SCARF1: variants seen among roughly 807,000 people sequenced by gnomAD.
SCARF1 encodes scavenger receptor class F member 1, also known as acetyl LDL receptor.
SCARF1 carries 49 observed loss-of-function variants against 76.3 expected under a neutral mutation model. The ratio of observed to expected loss-of-function variants is 0.64; its 90% CI spans 0.51 to 0.81. The LOEUF (loss-of-function observed/expected upper bound fraction) is 0.81, where lower values mean the gene tolerates loss of function less well. SCARF1 is among the 40% of genes least tolerant of loss of function. The probability of loss-of-function intolerance (pLI) is 0.00; values close to 1 mark genes in which losing one functional copy is unlikely to be tolerated. For synonymous variants in SCARF1, 495 were observed against 474.6 expected (o/e 1.04, Z -0.56); for missense variants, 1,098 against 1,143.9 (o/e 0.96, Z 0.58).
rs1383054081 is a variant in SCARF1, at chr17:1,644,278, C to T, written c.266-311G>A. ...GAGGTTGGTGGGCCTTCCTCCATGC[C>T]TGCTCCTCCCTGCCGAGATGGATCT... On this transcript the variant is annotated intron_variant, in intron 3 of 10. Transcript: ENST00000263071. The surrounding 1 kb of genome is among the most constrained non-coding windows in gnomAD (Gnocchi z 4.8). The T allele has an allele frequency of 2.9e-6, 1 of 340,198 alleles. No homozygotes were observed. Among genetic ancestry groups the T allele is most frequent in the Non-Finnish European group, 5.3e-6 (1 of 188,170 alleles). The allele number at this position is 340,198 out of a possible 1,614,324, so 21.1% of individuals were successfully genotyped here.
chr17:1,638,814 G>T lies in SCARF1; in HGVS notation c.1356C>A (p.Leu452=). The T allele has an allele frequency of 6.2e-7, 1 of 1,608,426 alleles. No individual in the cohort carries two copies. Among genetic ancestry groups the T allele is most frequent in the East Asian group, 2.2e-5 (1 of 44,690 alleles). ...ACCCWAPRSD[L]KDRPARDGAT... ...GACGGGCTGGCGTTCACCTGTCCTT[G>T]AGGTCTGATCGGGGGGCCCAGCAGC... The change falls in exon 8 of 11, where the codon CTC becomes CTA. Residue 452 remains leucine, a synonymous_variant. Transcript: ENST00000263071.
At position 1,636,657 on chromosome 17, in the gene SCARF1, G is replaced by C. The variant is rs544563432; in HGVS notation, c.1633+52C>G. The C allele has an allele frequency of 2.1e-4, 338 of 1,582,870 alleles. 9 individuals carry two copies. In the South Asian group the frequency reaches 3.5e-3, roughly 17 times the overall value. ...AACTTTGCTGGAGGACTAAAGAGGG[G>C]GTCGTGGTGGGCAGGGCTGCTCAGG... On this transcript the variant is annotated intron_variant, in intron 10 of 10. Transcript: ENST00000263071.
In SCARF1 at chr17:1,639,950, T is replaced by C. The variant is rs1308651029; in HGVS notation, c.1101A>G (p.Thr367=). The C allele has an allele frequency of 6.2e-7, 1 of 1,613,904 alleles. No individual in the cohort carries two copies. Among genetic ancestry groups the C allele is most frequent in the East Asian group, 2.2e-5 (1 of 44,894 alleles). The change falls in exon 6 of 11, where the codon ACA becomes ACG. Residue 367 remains threonine (T), a synonymous_variant. Transcript: ENST00000263071. ...TCVQGSCDTV[T]GDCVCSAGYW... The stretch of plus-strand genomic sequence containing the variant: ...AGCCGGCACTGCAGACACAGTCCCC[T>C]GTCACAGTATCACAGGACCCCTGAA...
rs563347341 is a variant in SCARF1 at position 1,639,721 on chromosome 17, G to A, written c.1161C>T (p.Ala387=). The part of the protein sequence containing the change: ...WGPSCNASCP[A]GFHGNNCSVP... The stretch of plus-strand genomic sequence containing the variant: ...CTGAGCAGTTGTTTCCATGGAAACC[G>A]GCTGGGCAGGAGGCGTTGCAGCTAT... The change falls in exon 7 of 11, where the codon GCC becomes GCT. Residue 387 remains alanine (A), a synonymous_variant. Transcript: ENST00000263071. 16 of 1,598,540 alleles carry A rather than the reference G, an allele frequency of 1.0e-5. No homozygotes were observed. Among genetic ancestry groups the A allele is most frequent in the Middle Eastern group, 1.7e-4 (1 of 6,038 alleles).
chr17:1,635,063 T>C lies in SCARF1; in HGVS notation c.2188A>G (p.Lys730Glu). 1.9e-6 allele frequency: 3 copies of C among 1,613,974 alleles called. No homozygotes were observed. Among genetic ancestry groups the C allele is most frequent in the Non-Finnish European group, 2.5e-6 (3 of 1,179,946 alleles). The change falls in exon 11 of 11, where the codon AAG (lysine) becomes GAG (glutamate). Residue 730 changes from lysine (K) to glutamate (E), a missense_variant. Coordinates refer to ENST00000263071, the MANE Select transcript of SCARF1 (RefSeq NM_003693.4). The part of the protein sequence containing the change: ...AEAKVKRAIP[K>E]PPRQALNRKK... Reference sequence around the variant, plus strand: ...CGATTCAGGGCCTGGCGCGGAGGCTTAGGGATGGCCCTCTTGACCTTGGCT... The same window carrying C: ...CGATTCAGGGCCTGGCGCGGAGGCTCAGGGATGGCCCTCTTGACCTTGGCT...
chr17:1,643,334 C>T (rs1384894331), intron 4 of SCARF1, 108 bp downstream of exon 4: 1 of 107,322 alleles, frequency 9.3e-6, no homozygotes, highest in Admixed American at 1.1e-4. Flanking sequence ...CCTGTCTTCG[C>T]CCCGCCCCCT....
In SCARF1 at chr17:1,644,768, T is replaced by A; in HGVS notation, c.265+66A>T. ...AGGCTGCATGGCTACCTGCCTCGCC[T>A]GCTCCCACACCACTGCCCCCGTACC... On this transcript the variant is annotated intron_variant, in intron 3 of 10. Transcript: ENST00000263071. The surrounding 1 kb of genome is among the most constrained non-coding windows in gnomAD (Gnocchi z 4.8). The A allele has an allele frequency of 6.8e-7, 1 of 1,477,380 alleles. No homozygotes were observed. Among genetic ancestry groups the A allele is most frequent in the Non-Finnish European group, 9.3e-7 (1 of 1,080,062 alleles). 91.5% of individuals were successfully genotyped at this position (1,477,380 alleles called of 1,614,324 possible). A position where few individuals can be genotyped will look rare whatever the true frequency, so the allele number is the denominator to read the frequency against.
At position 1,645,244 on chromosome 17, in the gene SCARF1, G is replaced by A; in HGVS notation, c.102-5C>T. ...CACTGCAGCTCAGCAGAGGGGCTGT[G>A]GGGCAAAAAGGGGTCAGCCGGACAT... is the stretch of plus-strand genomic sequence containing the variant. On this transcript the variant is annotated splice_region_variant and splice_polypyrimidine_tract_variant and intron_variant, in intron 1 of 10. Transcript: ENST00000263071. This position sits in a 1 kb window ranked among gnomAD's most constrained non-coding sequence, Gnocchi z 6.3. 1 of 1,612,558 alleles carries A rather than the reference G, an allele frequency of 6.2e-7. No individual in the cohort carries two copies. The highest frequency in any genetic ancestry group is 8.5e-7 in the Non-Finnish European group (1 of 1,179,858).
Position 1,638,727 on chromosome 17 carries a change from C to CCCCCCTCACCTCTGA in SCARF1, c.1364+78_1364+79insTCAGAGGTGAGGGGG, listed in dbSNP as rs1909789448. 1.1e-5 allele frequency: 16 copies of CCCCCCTCACCTCTGA among 1,446,544 alleles called. No homozygotes were observed. In the African/African-American group the frequency reaches 1.1e-4, roughly 10 times the overall value. 89.6% of individuals were successfully genotyped at this position (1,446,544 alleles called of 1,614,324 possible). On this transcript the variant is annotated intron_variant, in intron 8 of 10. Coordinates refer to ENST00000263071, the MANE Select transcript of SCARF1 (RefSeq NM_003693.4). Reference sequence around the variant, plus strand: ...TGGGCAACAAGGCCAGCCCTCCCCACCCCACAAGGAAACCAGATGCCCCCC... The same window carrying CCCCCCTCACCTCTGA: ...TGGGCAACAAGGCCAGCCCTCCCCACCCCCCTCACCTCTGACCCACAAGGAAACCAGATGCCCCCC...
In SCARF1 at chr17:1,638,815, A is replaced by C. The variant is rs1909799188; in HGVS notation, c.1355T>G (p.Leu452Arg). The change falls in exon 8 of 11, where the codon CTC becomes CGC. Residue 452 changes from leucine (L) to arginine (R), a missense_variant. Physicochemically the swap from Leu to Arg is moderately radical, Grantham distance 102. Transcript: ENST00000263071. ...ACGGGCTGGCGTTCACCTGTCCTTG[A>C]GGTCTGATCGGGGGGCCCAGCAGCA... ...ACCCWAPRSDLKDRPARDGAT... is the reference protein window; with the variant it reads ...ACCCWAPRSDRKDRPARDGAT... The C allele has an allele frequency of 6.2e-7, 1 of 1,607,834 alleles. No individual in the cohort carries two copies. The highest frequency in any genetic ancestry group is 1.7e-5 in the Admixed American group (1 of 59,708).
In SCARF1 at chr17:1,640,062, G is replaced by A. The variant is rs1432756424; in HGVS notation, c.1011-22C>T. ...ACACCTGGGGTGAGGCAAGACTCGG[G>A]GAAGGGGAGACCAAGGCAGGCCTGG... is the stretch of plus-strand genomic sequence containing the variant. On this transcript the variant is annotated intron_variant, in intron 5 of 10. Coordinates refer to ENST00000263071, the MANE Select transcript of SCARF1 (RefSeq NM_003693.4). The surrounding 1 kb of genome is among the most constrained non-coding windows in gnomAD (Gnocchi z 4.7). 34 of 1,611,216 alleles carry A rather than the reference G, an allele frequency of 2.1e-5. No individual in the cohort carries two copies. The Admixed American group carries it at 5.5e-4, about 26-fold the overall frequency.
At position 1,645,717 on chromosome 17, in the gene SCARF1, GC is replaced by G. The variant is rs781051419; in HGVS notation, c.-21del. 1.6e-4 allele frequency: 251 copies of G among 1,578,872 alleles called. No homozygotes were observed. Among genetic ancestry groups the G allele is most frequent in the Middle Eastern group, 5.0e-4 (3 of 5,964 alleles). On this transcript the variant is annotated 5_prime_UTR_variant, in exon 1 of 11. Coordinates refer to ENST00000263071, the MANE Select transcript of SCARF1 (RefSeq NM_003693.4). The surrounding 1 kb of genome is among the most constrained non-coding windows in gnomAD (Gnocchi z 6.3). ...CCCCATGGCAGGCAGCTCGGTGGGA[GC>G]GCTCGGGTTCGTCTGGCCCCCACAG...
At chr17:1,639,022 G>C (rs1909824019) in intron 7 of SCARF1, 96 bp from the exon 8 acceptor site, 3 of 1,321,362 alleles carry the variant, frequency 2.3e-6, no homozygotes, top group Admixed American at 2.2e-5. Context: ...GCTTCTTCCT[G>C]GGGGTCACTC....
At position 1,635,479 on chromosome 17, in the gene SCARF1, G is replaced by A. The variant is rs1909475276; in HGVS notation, c.1772C>T (p.Ser591Phe). 1.2e-6 allele frequency: 2 copies of A among 1,614,068 alleles called. No homozygotes were observed. The highest frequency in any genetic ancestry group is 1.7e-6 in the Non-Finnish European group (2 of 1,179,960). ...SLARAKRPSVSFAEGTKFAPQ... is the reference protein window; with the variant it reads ...SLARAKRPSVFFAEGTKFAPQ... Reference sequence around the variant, plus strand: ...TGCAAACTTGGTACCTTCCGCGAAGGAGACCGATGGCCGCTTGGCCCGAGC... The same window carrying A: ...TGCAAACTTGGTACCTTCCGCGAAGAAGACCGATGGCCGCTTGGCCCGAGC... The change falls in exon 11 of 11, where the codon TCC becomes TTC. Residue 591 changes from serine (S) to phenylalanine (F), a missense_variant. Transcript: ENST00000263071.
chr17:1,639,715 G>A lies in SCARF1; in HGVS notation c.1167C>T (p.Phe389=). Residue 389 remains phenylalanine, a synonymous_variant, in exon 7 of 11, where the codon TTC becomes TTT. Coordinates refer to ENST00000263071, the MANE Select transcript of SCARF1 (RefSeq NM_003693.4). ...PSCNASCPAG[F]HGNNCSVPCE... The stretch of plus-strand genomic sequence containing the variant: ...AAGGAACTGAGCAGTTGTTTCCATG[G>A]AAACCGGCTGGGCAGGAGGCGTTGC... 6.3e-6 allele frequency: 10 copies of A among 1,596,834 alleles called. No homozygotes were observed. The highest frequency in any genetic ancestry group is 8.5e-6 in the Non-Finnish European group (10 of 1,172,264).
chr17:1,637,441 T>C lies in SCARF1; in HGVS notation c.1365-379A>G, dbSNP rs373494436. Among the ~76,000 whole-genome samples the C allele has an allele frequency of 1.8e-4, 28 of 152,206 alleles. No individual in the cohort carries two copies. In the East Asian group the frequency reaches 4.4e-3, roughly 24 times the overall value. ...TGGCAGGTCTTTGTTATTATCATCC[T>C]AGCTGAGCCTCAGCTCACGTTTCTC... On this transcript the variant is annotated intron_variant, in intron 8 of 10. Coordinates refer to ENST00000263071, the MANE Select transcript of SCARF1 (RefSeq NM_003693.4).
intron 8 of SCARF1, 24 bp downstream of exon 8, chr17:1,638,776 TGTGTGG>T (rs1909795836): frequency 6.3e-7 from 1 of 1,580,980 alleles, no homozygotes; most frequent in Non-Finnish European, 8.6e-7. Flanking sequence ...TGGCCTGAGC[TGTGTGG>T]GGAAGGGACG....
chr17:1,635,265 C>G lies in SCARF1; in HGVS notation c.1986G>C (p.Arg662=), dbSNP rs1234363643. The G allele has an allele frequency of 5.6e-6, 9 of 1,611,390 alleles. No individual in the cohort carries two copies. Among genetic ancestry groups the G allele is most frequent in the Non-Finnish European group, 7.6e-6 (9 of 1,178,800 alleles). ...CCACTGTCCGGCCACCAAGTGGGGGCCGCCGGTGGCCAGTGGCTGAATCCC... is the reference window on the plus strand; with the variant it reads ...CCACTGTCCGGCCACCAAGTGGGGGGCGCCGGTGGCCAGTGGCTGAATCCC... ...SPGDSATGHR[R]PPLGGRTVAE... is the part of the protein sequence containing the mutation. Residue 662 remains arginine, a synonymous_variant, in exon 11 of 11, where the codon CGG becomes CGC. Coordinates refer to ENST00000263071, the MANE Select transcript of SCARF1 (RefSeq NM_003693.4).
intron 4 of SCARF1, among the ~76,000 whole-genome samples, chr17:1,641,827 T>C (rs1231881206): frequency 6.6e-6 from 1 of 152,218 alleles, no homozygotes; most frequent in Non-Finnish European, 1.5e-5. Context: ...GTTCAAGTGA[T>C]TCTCCTGCCT....
Sources: gnomAD v4.1 joint callset for allele counts (sites outside exome capture counted in the v4.1 genomes callset) on GRCh38, gnomAD v4.1.1 for gene constraint, Gnocchi (gnomAD v3.1) non-coding constraint, MANE v1.5 for transcripts, NCBI Gene and HGNC (gene_info 2026-07-23, HGNC 2026-07-21) for gene names.